SLC7A2: variants seen among roughly 807,000 people sequenced by gnomAD.
SLC7A2 encodes the protein solute carrier family 7 member 2.
A neutral mutation model predicts 58.9 loss-of-function variants in SLC7A2; 48 were observed. That is an observed-to-expected ratio of 0.82 (90% CI 0.65 to 1.04). The LOEUF is 1.04. Among genes scored for constraint, SLC7A2 ranks in the 50% least tolerant of loss-of-function variants. The probability of loss-of-function intolerance (pLI) is 0.00; values close to 1 mark genes in which losing one functional copy is unlikely to be tolerated. For missense variants in SLC7A2, 1,029 were observed against 818.8 expected (o/e 1.26, Z -3.13); for synonymous variants, 363 against 314.5 (o/e 1.15, Z -1.63).
intron 2 of SLC7A2, among the ~76,000 whole-genome samples, chr8:17,538,068 C>G (rs978266005): frequency 6.6e-6 from 1 of 152,202 alleles, no homozygotes; most frequent in African/African-American, 2.4e-5. Flanking sequence ...CCAGAATTCT[C>G]TATCAGCCCT....
chr8:17,537,563 G>T (rs1198026279), intron 2 of SLC7A2, among the ~76,000 whole-genome samples: 1 of 152,142 alleles, frequency 6.6e-6, no homozygotes, highest in African/African-American at 2.4e-5. Flanking sequence ...CTTGGCTTCG[G>T]GGTATGAAGA....
Position 17,560,462 on chromosome 8 carries a change from C to T in SLC7A2, c.1433C>T (p.Thr478Ile). 6.2e-7 allele frequency: 1 copy of T among 1,614,012 alleles called. No homozygotes were observed. The highest frequency in any genetic ancestry group is 8.5e-7 in the Non-Finnish European group (1 of 1,179,938). The change falls in exon 10 of 13, where the codon ACC becomes ATC. Residue 478 changes from threonine to isoleucine, a missense_variant. Coordinates refer to ENST00000494857, the MANE Select transcript of SLC7A2 (RefSeq NM_001370338.1). ...CAGAGACAGGGCTTCAGCATGCGGA[C>T]CCTCTTCTGCCCCTCCCTTCTGCCA... ...MLQRQGFSMR[T>I]LFCPSLLPTQ...
chr8:17,560,220 T>G (rs1452851971), intron 9 of SLC7A2, 108 bp from the exon 10 acceptor site: 1 of 765,062 alleles, frequency 1.3e-6, no homozygotes, highest in African/African-American at 1.7e-5. Flanking sequence ...TGATTTACTC[T>G]ACACACTATC....
At chr8:17,549,258 A>T (rs1460878571) in intron 5 of SLC7A2, among the ~76,000 whole-genome samples, 1 of 152,240 alleles carries the variant, frequency 6.6e-6, no homozygotes, top group East Asian at 1.9e-4. Context: ...GCCAAACCAT[A>T]CCAGAAGGCA....
rs560303812 is a variant in SLC7A2 at position 17,501,795 on chromosome 8, C to A, written c.-68-462C>A. ...TCTGGCACTGCTGCGTACTAGCCCC[C>A]CTCTACAGAACTGAGCCTAATCTGG... On this transcript the variant is annotated intron_variant, in intron 1 of 12. Transcript: ENST00000494857. Among the ~76,000 whole-genome samples, 10 of 152,062 alleles carry A rather than the reference C, an allele frequency of 6.6e-5. 1 individual carries two copies. In the South Asian group the frequency reaches 2.1e-3, roughly 32 times the overall value.
intron 2 of SLC7A2, among the ~76,000 whole-genome samples, chr8:17,516,204 TTTTA>T (rs1800796209): frequency 2.7e-5 from 4 of 146,208 alleles, no homozygotes; most frequent in Admixed American, 7.0e-5. Flanking sequence ...AACTGTTTTA[TTTTA>T]TTTATTTAAT....
At chr8:17,508,581 G>A (rs1268444640) in intron 2 of SLC7A2, among the ~76,000 whole-genome samples, 2 of 152,072 alleles carry the variant, frequency 1.3e-5, no homozygotes, top group Non-Finnish European at 2.9e-5. Context: ...AAAATTAGCT[G>A]GGTGTGGTGG....
In SLC7A2 at chr8:17,562,026, C is replaced by A; in HGVS notation, c.1587C>A (p.Leu529=). ...GGCTGGAGGCCTGGAGCCTCGCTCT[C>A]CTCGCGCTGTTTCTTGTTCTCTTCG... ...ITRLEAWSLA[L]LALFLVLFVA... Residue 529 remains leucine (L), a synonymous_variant, in exon 11 of 13, where the codon CTC becomes CTA. Transcript: ENST00000494857. 2 of 1,614,084 alleles carry A rather than the reference C, an allele frequency of 1.2e-6. No individual in the cohort carries two copies. Among genetic ancestry groups the A allele is most frequent in the Non-Finnish European group, 1.7e-6 (2 of 1,179,998 alleles).
chr8:17,570,376 G>A lies in SLC7A2; in HGVS notation c.*5230G>A, dbSNP rs1351009457. 2.0e-5 allele frequency: 3 copies of A among 152,600 alleles called. No homozygotes were observed. In the East Asian group the frequency reaches 5.8e-4, roughly 29 times the overall value. 9.5% of individuals were successfully genotyped at this position (152,600 alleles called of 1,614,324 possible). A position where few individuals can be genotyped will look rare whatever the true frequency, so the allele number is the denominator to read the frequency against. On this transcript the variant is annotated 3_prime_UTR_variant, in exon 13 of 13. Transcript: ENST00000494857. ...AAAAACCAACAAAGGCATTGGACTT[G>A]TGTGAATGTACAGGGTTTTTTTAGT...
At chr8:17,554,869 A>T in intron 8 of SLC7A2, 170 bp downstream of exon 8, 1 of 1,520,372 alleles carries the variant, frequency 6.6e-7, no homozygotes, top group Non-Finnish European at 8.9e-7. Flanking sequence ...TCGTGTGTCC[A>T]GTCTTTACCT....
chr8:17,500,267 C>T (rs528755021), intron 1 of SLC7A2: 1 of 152,312 alleles, frequency 6.6e-6, no homozygotes, highest in South Asian at 2.1e-4. Context: ...GAAGGCGATG[C>T]TACTATTTCA....
chr8:17,565,082 A>G lies in SLC7A2; in HGVS notation c.1913A>G (p.Asn638Ser). ...AAEEKSAIQA[N>S]DHHPRNLSSP... ...GAAGAAAAATCTGCCATTCAAGCAA[A>G]TGACCATCACCCAAGAAATCTCAGT... The change falls in exon 13 of 13, where the codon AAT (asparagine) becomes AGT (serine). Residue 638 changes from asparagine to serine, a missense_variant. Transcript: ENST00000494857. 6.2e-7 allele frequency: 1 copy of G among 1,614,072 alleles called. No homozygotes were observed. Among genetic ancestry groups the G allele is most frequent in the Non-Finnish European group, 8.5e-7 (1 of 1,179,956 alleles).
chr8:17,505,548 C>T (rs190501947), intron 2 of SLC7A2, among the ~76,000 whole-genome samples: 5 of 152,280 alleles, frequency 3.3e-5, no homozygotes, highest in Non-Finnish European at 5.9e-5. Flanking sequence ...TCCAGCCTCG[C>T]CATCTTTCTT....
In SLC7A2 at chr8:17,568,765, A is replaced by G. The variant is rs14108; in HGVS notation, c.*3619A>G. 25,208 of 151,640 alleles carry G rather than the reference A, an allele frequency of 0.17. 2,244 individuals carry two copies. Among genetic ancestry groups the G allele is most frequent in the African/African-American group, 0.22 (9,053 of 41,300 alleles). The allele number at this position is 151,640 out of a possible 1,614,324, so 9.4% of individuals were successfully genotyped here. A position where few individuals can be genotyped will look rare whatever the true frequency, so the allele number is the denominator to read the frequency against. On this transcript the variant is annotated 3_prime_UTR_variant, in exon 13 of 13. Transcript: ENST00000494857. Reference sequence around the variant, plus strand: ...GATCGCTTGAGCCCAGGAGTTTAAGACCGGCCTGAGTAGCATAGCAAGACC... The same window carrying G: ...GATCGCTTGAGCCCAGGAGTTTAAGGCCGGCCTGAGTAGCATAGCAAGACC...
rs1803207730 is a variant in SLC7A2, at chr8:17,565,142, T to C, written c.1973T>C (p.Phe658Ser). The change falls in exon 13 of 13, where the codon TTC (phenylalanine) becomes TCC (serine). Residue 658 changes from phenylalanine to serine, a missense_variant. Phe to Ser is a radical substitution (Grantham distance 155). Transcript: ENST00000494857. ...ATATTCCATGAAAAGACAAGTGAAT[T>C]CTAACACTTGCAGGAGCAGAGCTGG... ...PFIFHEKTSE[F>S] 6.2e-7 allele frequency: 1 copy of C among 1,610,518 alleles called. No individual in the cohort carries two copies. Among genetic ancestry groups the C allele is most frequent in the East Asian group, 2.2e-5 (1 of 44,808 alleles).
At chr8:17,519,733 C>A (rs2188021) in intron 2 of SLC7A2, among the ~76,000 whole-genome samples, 93,242 of 151,978 alleles carry the variant, frequency 0.61, 29,111 homozygotes, top group Non-Finnish European at 0.64. Context: ...GGTCACTTAC[C>A]TAAAGAGGAT....
intron 10 of SLC7A2, among the ~76,000 whole-genome samples, chr8:17,560,801 T>A (rs1802940628): frequency 6.6e-6 from 1 of 152,132 alleles, no homozygotes; most frequent in South Asian, 2.1e-4. Flanking sequence ...TCATTAGAGG[T>A]TAGGATGCCC....
intron 8 of SLC7A2, chr8:17,555,134 C>A (rs781191492): frequency 1.3e-6 from 2 of 1,565,354 alleles, no homozygotes; most frequent in South Asian, 1.1e-5. Flanking sequence ...ACATTTAATT[C>A]GCATGCATGG....
At chr8:17,499,703 C>G (rs1470737579) in intron 1 of SLC7A2, among the ~76,000 whole-genome samples, 1 of 151,768 alleles carries the variant, frequency 6.6e-6, no homozygotes, top group African/African-American at 2.4e-5. Flanking sequence ...CCAAATGAAT[C>G]CTGAAAAACT....
Sources: gnomAD v4.1 joint callset for allele counts (sites outside exome capture counted in the v4.1 genomes callset) on GRCh38, gnomAD v4.1.1 for gene constraint, MANE v1.5 for transcripts, NCBI Gene and HGNC (gene_info 2026-07-23, HGNC 2026-07-21) for gene names.